Variants in CCDC102B observed in about 807,000 individuals in gnomAD.
The protein encoded by CCDC102B is coiled-coil domain containing 102B.
Under a neutral mutation model 57.4 loss-of-function variants are expected in CCDC102B, and 75 were observed. That is an observed-to-expected ratio of 1.31 (90% CI 1.08 to 1.58). CCDC102B has a LOEUF of 1.58. Among genes scored for constraint, CCDC102B ranks in the 40% most tolerant of loss-of-function variants. The pLI is 0.00. For synonymous variants in CCDC102B, 206 were observed against 201.9 expected, an observed-to-expected ratio of 1.02 and a Z score of -0.17; for missense variants, 636 against 582.6, an observed-to-expected ratio of 1.09 and a Z score of -0.94.
intron 4 of CCDC102B, among the ~76,000 whole-genome samples, chr18:68,863,323 T>A (rs1024284614): frequency 1.3e-5 from 2 of 151,962 alleles, no homozygotes; most frequent in Non-Finnish European, 2.9e-5. Flanking sequence ...CTATCCTCTG[T>A]GTCTCCTACA....
intron 6 of CCDC102B, among the ~76,000 whole-genome samples, chr18:68,989,243 C>T (rs531029518): frequency 4.6e-5 from 7 of 152,212 alleles, no homozygotes; most frequent in Admixed American, 1.3e-4. Context: ...AATATTGGCT[C>T]CCTTTGAAAG....
At chr18:68,898,685 G>C (rs535535601) in intron 6 of CCDC102B, among the ~76,000 whole-genome samples, 1 of 152,038 alleles carries the variant, frequency 6.6e-6, no homozygotes, top group Non-Finnish European at 1.5e-5. Context: ...TCTATATGCA[G>C]GTAATGAGAA....
At chr18:68,949,745 C>T (rs1293697334) in intron 6 of CCDC102B, among the ~76,000 whole-genome samples, 1 of 152,086 alleles carries the variant, frequency 6.6e-6, no homozygotes, top group Non-Finnish European at 1.5e-5. Flanking sequence ...TCTTTCGCTA[C>T]TCTGTATTTC....
At chr18:68,914,798 CATG>C (rs141511045) in intron 6 of CCDC102B, among the ~76,000 whole-genome samples, 2,040 of 152,248 alleles carry the variant, frequency 0.013, 24 homozygotes, top group East Asian at 0.06. Context: ...TTTTAAATTT[CATG>C]ATGTTTTTGT....
chr18:68,825,100 G>T (rs975172788), intron 1 of CCDC102B, among the ~76,000 whole-genome samples: 6 of 152,068 alleles, frequency 3.9e-5, no homozygotes, highest in Admixed American at 2.6e-4. Context: ...CAGTTTATCT[G>T]TTATTTGATT....
At chr18:68,847,854 T>C (rs1026990878) in intron 4 of CCDC102B, among the ~76,000 whole-genome samples, 28 of 151,928 alleles carry the variant, frequency 1.8e-4, no homozygotes, top group African/African-American at 6.5e-4. Flanking sequence ...ATGTAAAATT[T>C]TGTAGACATT....
intron 6 of CCDC102B, among the ~76,000 whole-genome samples, chr18:68,962,429 G>A (rs1213497025): frequency 6.6e-6 from 1 of 151,952 alleles, no homozygotes; most frequent in Non-Finnish European, 1.5e-5. Flanking sequence ...TTTCAGTACA[G>A]TAATACTCTC....
chr18:68,737,457 G>A (rs1475771995), intron 2 of CCDC102B, among the ~76,000 whole-genome samples: 1 of 151,456 alleles, frequency 6.6e-6, no homozygotes, highest in Non-Finnish European at 1.5e-5. Context: ...TTGTGGTGGT[G>A]GTGGTGGTGG....
At chr18:68,725,921 G>A (rs1382630439) in intron 2 of CCDC102B, among the ~76,000 whole-genome samples, 1 of 152,172 alleles carries the variant, frequency 6.6e-6, no homozygotes, top group Non-Finnish European at 1.5e-5. Context: ...TCCTGTGGGG[G>A]AACCAAGGCC....
intron 6 of CCDC102B, among the ~76,000 whole-genome samples, chr18:68,943,230 C>T (rs894313394): frequency 2.0e-5 from 3 of 152,038 alleles, no homozygotes; most frequent in African/African-American, 7.2e-5. Flanking sequence ...CTCTTTTCCC[C>T]ACAAAAGAGA....
intron 7 of CCDC102B, among the ~76,000 whole-genome samples, chr18:69,030,323 C>A (rs2052104686): frequency 6.6e-6 from 1 of 152,060 alleles, no homozygotes; most frequent in African/African-American, 2.4e-5. Flanking sequence ...TGATATAAAT[C>A]CTGATTATTT....
chr18:68,850,096 T>C (rs1467949596), intron 4 of CCDC102B, among the ~76,000 whole-genome samples: 2 of 152,188 alleles, frequency 1.3e-5, no homozygotes, highest in African/African-American at 4.8e-5. Context: ...GAGCAATGCA[T>C]TTAAGCTGTA....
chr18:68,897,419 A>G lies in CCDC102B; in HGVS notation c.1254A>G (p.Glu418=). Reference sequence around the variant, plus strand: ...AGATGTCACAAATTGATCTGCAAGAAAAAAACCAGGTATGGGTGCTCCTTG... The same window carrying G: ...AGATGTCACAAATTGATCTGCAAGAGAAAAACCAGGTATGGGTGCTCCTTG... The part of the protein sequence containing the change: ...DFKMSQIDLQ[E]KNQELLNLQH... Residue 418 remains glutamate, a synonymous_variant, in exon 6 of 8, where the codon GAA becomes GAG. Coordinates refer to ENST00000360242, the MANE Select transcript of CCDC102B (RefSeq NM_024781.3). 1 of 1,610,812 alleles carries G rather than the reference A, an allele frequency of 6.2e-7. No individual in the cohort carries two copies. Among genetic ancestry groups the G allele is most frequent in the Non-Finnish European group, 8.5e-7 (1 of 1,178,498 alleles).
intron 1 of CCDC102B, among the ~76,000 whole-genome samples, chr18:68,804,095 T>A (rs1395750026): frequency 1.3e-5 from 2 of 152,104 alleles, no homozygotes; most frequent in Non-Finnish European, 2.9e-5. Context: ...ATATTAGAGA[T>A]GGAGTTTTTG....
At chr18:68,903,853 G>A (rs1338725755) in intron 6 of CCDC102B, among the ~76,000 whole-genome samples, 2 of 152,128 alleles carry the variant, frequency 1.3e-5, no homozygotes, top group African/African-American at 4.8e-5. Context: ...GGAAACTGAT[G>A]AATTCATCTA....
chr18:68,801,951 T>C lies in CCDC102B; in HGVS notation c.-16+3770T>C, dbSNP rs577011644. 2.0e-5 allele frequency among the ~76,000 whole-genome samples: 3 copies of C among 152,286 alleles called. No homozygotes were observed. The South Asian group carries it at 6.2e-4, about 32-fold the overall frequency. Reference sequence around the variant, plus strand: ...TATTCATGAATTTTCTATCTTCTTTTGACATGAAGGGTTTTGAACAAGCGT... The same window carrying C: ...TATTCATGAATTTTCTATCTTCTTTCGACATGAAGGGTTTTGAACAAGCGT... On this transcript the variant is annotated intron_variant, in intron 1 of 7. Coordinates refer to ENST00000360242, the MANE Select transcript of CCDC102B (RefSeq NM_024781.3).
chr18:68,791,979 T>A (rs780911601), intron 2 of CCDC102B, among the ~76,000 whole-genome samples: 3 of 152,176 alleles, frequency 2.0e-5, no homozygotes, highest in Non-Finnish European at 2.9e-5. Context: ...GTGCTACTGG[T>A]AGCTAGTAGG....
intron 4 of CCDC102B, among the ~76,000 whole-genome samples, chr18:68,871,172 G>A (rs889846211): frequency 6.6e-6 from 1 of 152,004 alleles, no homozygotes; most frequent in Non-Finnish European, 1.5e-5. Context: ...TTATATTATG[G>A]TACAAACACA....
At chr18:69,010,873 C>T in intron 6 of CCDC102B, 61 bp from the exon 7 acceptor site, 6 of 1,225,456 alleles carry the variant, frequency 4.9e-6, no homozygotes, top group East Asian at 2.6e-5. Context: ...AAGAAGTTGC[C>T]ATTCTTCTGA....
Sources: allele counts gnomAD v4.1 joint callset (sites outside exome capture counted in the v4.1 genomes callset), GRCh38; gene constraint gnomAD v4.1.1; transcripts MANE v1.5; gene names NCBI Gene and HGNC (gene_info 2026-07-23, HGNC 2026-07-21).